Variants in CAMKMT observed in about 807,000 individuals in gnomAD.
CAMKMT encodes the protein CaM KMT.
Under a neutral mutation model 48.0 loss-of-function variants are expected in CAMKMT, and 53 were observed. That is an observed-to-expected ratio of 1.10 (90% CI 0.89 to 1.39). The LOEUF (loss-of-function observed/expected upper bound fraction) is 1.39, where lower values mean the gene tolerates loss of function less well. Among genes scored for constraint, CAMKMT ranks in the 40% most tolerant of loss-of-function variants. The pLI, the probability that CAMKMT is intolerant of heterozygous loss-of-function variation, is 0.00. For synonymous variants in CAMKMT, 165 were observed against 152.3 expected, an observed-to-expected ratio of 1.08 and a Z score of -0.61; for missense variants, 428 against 402.7, an observed-to-expected ratio of 1.06 and a Z score of -0.54.
intron 8 of CAMKMT, among the ~76,000 whole-genome samples, chr2:44,748,696 C>G (rs1230447880): frequency 6.6e-6 from 1 of 151,834 alleles, no homozygotes; most frequent in Non-Finnish European, 1.5e-5. Context: ...CACGGTGAAA[C>G]CCCATCTCTA....
At chr2:44,647,677 G>A (rs1253704019) in intron 3 of CAMKMT, among the ~76,000 whole-genome samples, 6 of 151,880 alleles carry the variant, frequency 4.0e-5, no homozygotes, top group Non-Finnish European at 7.4e-5. Context: ...AGGCTGAGGC[G>A]GGTGGATCAC....
intron 1 of CAMKMT, among the ~76,000 whole-genome samples, chr2:44,371,825 A>G (rs1679210641): frequency 6.6e-6 from 1 of 152,158 alleles, no homozygotes. Flanking sequence ...GTCATGAAAT[A>G]TCTGATCAGT....
chr2:44,391,767 A>G (rs1198044539), intron 3 of CAMKMT: 1 of 153,028 alleles, frequency 6.5e-6, no homozygotes, highest in African/African-American at 2.4e-5. Context: ...TGACTGTCTT[A>G]GCCTTCTCTA....
At chr2:44,421,534 C>CA (rs1210926056) in intron 3 of CAMKMT, among the ~76,000 whole-genome samples, 3 of 151,876 alleles carry the variant, frequency 2.0e-5, no homozygotes, top group Non-Finnish European at 4.4e-5. Context: ...AATAACAGTA[C>CA]AAAATGAAGA....
chr2:44,389,561 T>C (rs1039652419), intron 2 of CAMKMT, among the ~76,000 whole-genome samples: 2 of 152,194 alleles, frequency 1.3e-5, no homozygotes, highest in Non-Finnish European at 2.9e-5. Flanking sequence ...GCACTAATTT[T>C]TTTTTTCCCC....
intron 3 of CAMKMT, among the ~76,000 whole-genome samples, chr2:44,565,718 A>C (rs756877846): frequency 1.3e-5 from 2 of 152,020 alleles, no homozygotes; most frequent in South Asian, 2.1e-4. Context: ...AAAAAAAAAA[A>C]CAAAACTCCC....
intron 3 of CAMKMT, among the ~76,000 whole-genome samples, chr2:44,684,510 G>A (rs1402952880): frequency 6.6e-6 from 1 of 151,886 alleles, no homozygotes; most frequent in Non-Finnish European, 1.5e-5. Context: ...AACCTAGACA[G>A]AATCATTTTC....
chr2:44,523,711 G>C (rs1004736368), intron 3 of CAMKMT, among the ~76,000 whole-genome samples: 1 of 151,614 alleles, frequency 6.6e-6, no homozygotes, highest in Non-Finnish European at 1.5e-5. Context: ...GACCTCTATG[G>C]GGCTTGGACT....
intron 3 of CAMKMT, among the ~76,000 whole-genome samples, chr2:44,519,694 G>A (rs993580563): frequency 3.3e-5 from 5 of 152,160 alleles, no homozygotes; most frequent in Non-Finnish European, 5.9e-5. Context: ...GGAGATGTAC[G>A]TTACTAAAAA....
chr2:44,499,600 C>T (rs1392727903), intron 3 of CAMKMT, among the ~76,000 whole-genome samples: 3 of 152,300 alleles, frequency 2.0e-5, no homozygotes, highest in African/African-American at 7.2e-5. Flanking sequence ...TATATCCTTA[C>T]AACAAAACGG....
chr2:44,506,233 G>A (rs1670255240), intron 3 of CAMKMT, among the ~76,000 whole-genome samples: 1 of 152,042 alleles, frequency 6.6e-6, no homozygotes, highest in Non-Finnish European at 1.5e-5. Flanking sequence ...TAAGTGGTAG[G>A]GGTATAAAAG....
chr2:44,576,327 TAAAAAAAAA>T (rs569571059), intron 3 of CAMKMT, among the ~76,000 whole-genome samples: 1 of 76,698 alleles, frequency 1.3e-5, no homozygotes, highest in African/African-American at 4.5e-5. Context: ...AAACTCTGTC[TAAAAAAAAA>T]AAAAAAAAAA....
chr2:44,749,610 T>A (rs1680070493), intron 8 of CAMKMT, among the ~76,000 whole-genome samples: 1 of 152,192 alleles, frequency 6.6e-6, no homozygotes, highest in Non-Finnish European at 1.5e-5. Flanking sequence ...AACTAACATA[T>A]CTTATTAATT....
intron 3 of CAMKMT, among the ~76,000 whole-genome samples, chr2:44,584,307 G>C (rs1198838472): frequency 6.6e-6 from 1 of 152,180 alleles, no homozygotes; most frequent in Non-Finnish European, 1.5e-5. Flanking sequence ...CATAAGGTAA[G>C]ATGAAAGAAG....
chr2:44,400,954 A>G (rs1682322621), intron 3 of CAMKMT: 2 of 114,330 alleles, frequency 1.7e-5, no homozygotes, highest in South Asian at 3.1e-4. Flanking sequence ...ATATATATAT[A>G]TATATATGTA....
At chr2:44,482,383 G>T (rs1669017178) in intron 3 of CAMKMT, among the ~76,000 whole-genome samples, 1 of 152,034 alleles carries the variant, frequency 6.6e-6, no homozygotes, top group Non-Finnish European at 1.5e-5. Context: ...TCTTCAGGAG[G>T]TCTATTGGAA....
intron 3 of CAMKMT, among the ~76,000 whole-genome samples, chr2:44,495,993 C>T (rs1190696717): frequency 6.6e-6 from 1 of 152,140 alleles, no homozygotes; most frequent in Non-Finnish European, 1.5e-5. Context: ...AGTGAATAAT[C>T]CTTAAATACA....
chr2:44,374,664 C>A (rs977754982), intron 2 of CAMKMT, among the ~76,000 whole-genome samples: 1 of 152,156 alleles, frequency 6.6e-6, no homozygotes, highest in African/African-American at 2.4e-5. Context: ...CTATCCAGAG[C>A]CCAAGCTATA....
intron 3 of CAMKMT, among the ~76,000 whole-genome samples, chr2:44,630,852 A>G (rs540237407): frequency 1.3e-5 from 2 of 151,830 alleles, no homozygotes; most frequent in Non-Finnish European, 2.9e-5. Flanking sequence ...TTCCTCAGGG[A>G]TCTAGAACTA....
Sources: gnomAD v4.1 joint callset for allele counts (sites outside exome capture counted in the v4.1 genomes callset) on GRCh38, gnomAD v4.1.1 for gene constraint, MANE v1.5 for transcripts, NCBI Gene and HGNC (gene_info 2026-07-23, HGNC 2026-07-21) for gene names.